DELE1: variants seen among roughly 807,000 people sequenced by gnomAD.
The protein encoded by DELE1 is death ligand signal enhancer.
A neutral mutation model predicts 59.3 loss-of-function variants in DELE1; 54 were observed. That is an observed-to-expected ratio of 0.91 (90% confidence interval 0.73 to 1.14). The LOEUF (loss-of-function observed/expected upper bound fraction) is 1.14. Among genes scored for constraint, DELE1 ranks in the 50% most tolerant of loss-of-function variants. DELE1 has a pLI of 0.00. For missense variants in DELE1, 636 were observed against 643.9 expected, an observed-to-expected ratio of 0.99 and a Z score of 0.13; for synonymous variants, 264 against 259.1, an observed-to-expected ratio of 1.02 and a Z score of -0.18.
chr5:141,929,774 A>T, intron 5 of DELE1, 34 bp downstream of exon 5: 1 of 1,611,894 alleles, frequency 6.2e-7, no homozygotes, highest in Non-Finnish European at 8.5e-7. Context: ...AGCAGAAGGC[A>T]GGGGGCGGTG....
At chr5:141,925,085 G>A (rs535813691) in intron 2 of DELE1, among the ~76,000 whole-genome samples, 1 of 150,838 alleles carries the variant, frequency 6.6e-6, no homozygotes, top group African/African-American at 2.4e-5. Flanking sequence ...GCACCATCAC[G>A]CCTGGCTAAT....
chr5:141,939,452 CTG>C lies in DELE1; in HGVS notation c.*695_*696del. ...CTCGAGACTAGCCCACCATTCACCTCTGTTCATCCCCCGTGGGCTCATAATCG... is the reference window on the plus strand; with the variant it reads ...CTCGAGACTAGCCCACCATTCACCTCTTCATCCCCCGTGGGCTCATAATCG... On this transcript the variant is annotated 3_prime_UTR_variant, in exon 12 of 12. Transcript: ENST00000432126. 1.0e-6 allele frequency: 1 copy of C among 985,856 alleles called. No individual in the cohort carries two copies. The highest frequency in any genetic ancestry group is 1.2e-6 in the Non-Finnish European group (1 of 829,926). The allele number at this position is 985,856 out of a possible 1,614,324, so 61.1% of individuals were successfully genotyped here. A position where few individuals can be genotyped will look rare whatever the true frequency, so the allele number is the denominator to read the frequency against.
intron 8 of DELE1, 37 bp from the exon 9 acceptor site, chr5:141,934,203 G>A (rs1167468101): frequency 1.3e-6 from 2 of 1,564,330 alleles, no homozygotes; most frequent in South Asian, 1.2e-5. Flanking sequence ...TGCTTACAGA[G>A]TTGCCAGCCG....
chr5:141,938,383 G>T (rs1041164302), intron 11 of DELE1, 138 bp from the exon 12 acceptor site: 2 of 1,331,560 alleles, frequency 1.5e-6, no homozygotes, highest in Admixed American at 2.4e-5. Flanking sequence ...GGCTCTAAGA[G>T]CCCTGCTCAC....
intron 10 of DELE1, among the ~76,000 whole-genome samples, chr5:141,935,257 T>C (rs1752264197): frequency 6.6e-6 from 1 of 152,220 alleles, no homozygotes; most frequent in Non-Finnish European, 1.5e-5. Context: ...TTCTCTGGGA[T>C]GCTTGTAAGT....
chr5:141,929,920 G>T, intron 5 of DELE1, 69 bp from the exon 6 acceptor site: 1 of 1,546,896 alleles, frequency 6.5e-7, no homozygotes, highest in South Asian at 1.1e-5. Flanking sequence ...TGGGTAGACT[G>T]GGAGAGTCGG....
intron 7 of DELE1, chr5:141,931,327 T>TA (rs1751890947): frequency 6.6e-6 from 1 of 152,172 alleles, no homozygotes; most frequent in South Asian, 2.1e-4. Flanking sequence ...CGGAAGGAGA[T>TA]AAAGCCAGAA....
intron 10 of DELE1, among the ~76,000 whole-genome samples, chr5:141,936,253 C>G (rs988113680): frequency 6.6e-6 from 1 of 152,098 alleles, no homozygotes; most frequent in Non-Finnish European, 1.5e-5. Context: ...GGTAGAGTCA[C>G]GTGCCTGAGT....
At chr5:141,933,472 G>T (rs1391383105) in intron 8 of DELE1, 71 bp downstream of exon 8, 25 of 1,221,286 alleles carry the variant, frequency 2.0e-5, no homozygotes, top group Non-Finnish European at 2.6e-5. Flanking sequence ...TGAGCAGTGG[G>T]CAGGGATGGG....
chr5:141,928,002 G>A (rs558097481), intron 3 of DELE1, 149 bp from the exon 4 acceptor site: 2 of 779,826 alleles, frequency 2.6e-6, no homozygotes, highest in Non-Finnish European at 4.2e-6. Context: ...GTGTGGTCAG[G>A]GCTCCAGAGA....
At chr5:141,926,436 A>C (rs1344643096) in intron 3 of DELE1, among the ~76,000 whole-genome samples, 1 of 152,176 alleles carries the variant, frequency 6.6e-6, no homozygotes, top group Non-Finnish European at 1.5e-5. Context: ...TATTTGTTGA[A>C]CCTGATCTAT....
intron 3 of DELE1, 101 bp from the exon 4 acceptor site, chr5:141,928,050 C>G: frequency 7.3e-7 from 1 of 1,365,500 alleles, no homozygotes. Flanking sequence ...CGGGGAGCTG[C>G]CCCACCTGGA....
In DELE1 at chr5:141,940,677, A is replaced by G; in HGVS notation, c.*1918A>G. ...TGCCTCCTTTTCAGGGCTGCCCTGC[A>G]CACTGGCTCACCACTGTTGGACCCT... On this transcript the variant is annotated 3_prime_UTR_variant, in exon 12 of 12. Coordinates refer to ENST00000432126, the MANE Select transcript of DELE1 (RefSeq NM_014773.5). The G allele has an allele frequency of 1.0e-6, 1 of 983,486 alleles. No homozygotes were observed. The highest frequency in any genetic ancestry group is 1.2e-6 in the Non-Finnish European group (1 of 828,036). 60.9% of individuals were successfully genotyped at this position (983,486 alleles called of 1,614,324 possible).
chr5:141,931,922 G>A (rs947079477), intron 7 of DELE1, among the ~76,000 whole-genome samples: 1 of 152,188 alleles, frequency 6.6e-6, no homozygotes, highest in Non-Finnish European at 1.5e-5. Context: ...GGCAGAACGC[G>A]AAAGGAGCAT....
At position 141,941,143 on chromosome 5, in the gene DELE1, G is replaced by C; in HGVS notation, c.*2384G>C. ...ACTCCCCAGCCTCCTCCCCTCTGTG[G>C]TCATTTTGGATTTTCTGACTACTTC... On this transcript the variant is annotated 3_prime_UTR_variant, in exon 12 of 12. Transcript: ENST00000432126. 3.0e-6 allele frequency: 3 copies of C among 985,412 alleles called. No homozygotes were observed. The highest frequency in any genetic ancestry group is 3.6e-6 in the Non-Finnish European group (3 of 829,950). The allele number at this position is 985,412 out of a possible 1,614,324, so 61.0% of individuals were successfully genotyped here. A position where few individuals can be genotyped will look rare whatever the true frequency, so the allele number is the denominator to read the frequency against.
At chr5:141,934,712 C>G in intron 10 of DELE1, 126 bp downstream of exon 10, 2 of 896,014 alleles carry the variant, frequency 2.2e-6, no homozygotes, top group Admixed American at 2.2e-5. Context: ...TGGCTTCAAG[C>G]CTTAGCGCTC....
In DELE1 at chr5:141,939,029, G is replaced by A; in HGVS notation, c.*270G>A. 1 of 1,254,334 alleles carries A rather than the reference G, an allele frequency of 8.0e-7. No homozygotes were observed. The allele number at this position is 1,254,334 out of a possible 1,614,324, so 77.7% of individuals were successfully genotyped here. On this transcript the variant is annotated 3_prime_UTR_variant, in exon 12 of 12. Transcript: ENST00000432126. The stretch of plus-strand genomic sequence containing the variant: ...GACCTATGAAAAACCCTACTGAAGG[G>A]TCCAGAGACCCTGGTGCTCACCTTA...
chr5:141,940,462 G>T lies in DELE1; in HGVS notation c.*1703G>T. On this transcript the variant is annotated 3_prime_UTR_variant, in exon 12 of 12. Coordinates refer to ENST00000432126, the MANE Select transcript of DELE1 (RefSeq NM_014773.5). ...GCCCACCCCCCACAATCCCATGACT[G>T]AGTGGAGACCAACCAGCCTGGCCAA... is the stretch of plus-strand genomic sequence containing the variant. 1 of 985,498 alleles carries T rather than the reference G, an allele frequency of 1.0e-6. No individual in the cohort carries two copies. The highest frequency in any genetic ancestry group is 1.2e-6 in the Non-Finnish European group (1 of 830,018). The allele number at this position is 985,498 out of a possible 1,614,324, so 61.0% of individuals were successfully genotyped here.
chr5:141,933,316 CTGCAGCCCGCGGCTACAGCAAAG>C lies in DELE1; in HGVS notation c.813_835del (p.Ala273ValfsTer8). ...GCAGCCTTTTCTTACTTCCAGAAAG[CTGCAGCCCGCGGCTACAGCAAAG>C]CGCAGTACAATGCGGGCTTGTGTCA... On this transcript the variant is annotated frameshift_variant, in exon 8 of 12. Transcript: ENST00000432126. LOFTEE classifies it high-confidence loss of function. 1 of 1,570,100 alleles carries C rather than the reference CTGCAGCCCGCGGCTACAGCAAAG, an allele frequency of 6.4e-7. No homozygotes were observed. The highest frequency in any genetic ancestry group is 2.3e-5 in the East Asian group (1 of 43,672).
Sources: allele counts gnomAD v4.1 joint callset (sites outside exome capture counted in the v4.1 genomes callset), GRCh38; gene constraint gnomAD v4.1.1; transcripts MANE v1.5; gene names NCBI Gene and HGNC (gene_info 2026-07-23, HGNC 2026-07-21).